Variants in CTNNA3 observed in about 807,000 individuals in gnomAD.
CTNNA3 encodes the protein catenin alpha-3.
In CTNNA3, 76 loss-of-function variants were observed where a neutral mutation model predicts 95.7. That is an observed-to-expected ratio of 0.79 (90% confidence interval 0.66 to 0.96). The LOEUF (loss-of-function observed/expected upper bound fraction) is 0.96. Ranked by LOEUF, CTNNA3 falls within the 40% of genes least tolerant of loss-of-function variation. The pLI, the probability that CTNNA3 is intolerant of heterozygous loss-of-function variation, is 0.00. For synonymous variants in CTNNA3, 431 were observed against 374.4 expected (o/e 1.15, Z -1.74); for missense variants, 1,191 against 1,089.8 (o/e 1.09, Z -1.31).
intron 7 of CTNNA3, among the ~76,000 whole-genome samples, chr10:67,154,239 T>G (rs996902234): frequency 2.0e-5 from 3 of 152,204 alleles, no homozygotes; most frequent in Non-Finnish European, 2.9e-5. Flanking sequence ...AAAATAAATA[T>G]ATGAATAACC....
intron 6 of CTNNA3, among the ~76,000 whole-genome samples, chr10:67,197,118 T>C (rs543712436): frequency 8.5e-5 from 13 of 152,120 alleles, no homozygotes; most frequent in African/African-American, 2.2e-4. Context: ...AGTAACATCA[T>C]GTGTGTCCCA....
At chr10:67,031,073 C>T (rs1473962796) in intron 7 of CTNNA3, among the ~76,000 whole-genome samples, 2 of 152,094 alleles carry the variant, frequency 1.3e-5, no homozygotes, top group Non-Finnish European at 1.5e-5. Context: ...CATTTTACCC[C>T]GTCATACTTG....
intron 10 of CTNNA3, among the ~76,000 whole-genome samples, chr10:66,568,144 G>C (rs185914775): frequency 6.3e-4 from 96 of 152,266 alleles, no homozygotes; most frequent in Middle Eastern, 3.4e-3. Context: ...AGAGCATAAA[G>C]AAGATATTAG....
intron 1 of CTNNA3, among the ~76,000 whole-genome samples, chr10:67,706,331 G>C (rs1472762792): frequency 1.3e-5 from 2 of 151,592 alleles, no homozygotes; most frequent in Admixed American, 1.3e-4. Context: ...GTGAAGAGGA[G>C]GTAAAAGGTT....
chr10:67,626,300 C>T (rs1246975900), intron 2 of CTNNA3, among the ~76,000 whole-genome samples: 1 of 151,914 alleles, frequency 6.6e-6, no homozygotes, highest in Non-Finnish European at 1.5e-5. Context: ...AGTTATGTTC[C>T]TGTTCATCAC....
chr10:66,376,020 T>C (rs1390952503), intron 12 of CTNNA3, among the ~76,000 whole-genome samples: 1 of 152,170 alleles, frequency 6.6e-6, no homozygotes, highest in South Asian at 2.1e-4. Context: ...TGTTCTGTTT[T>C]GGTCCATGAG....
chr10:67,490,071 G>C (rs1848593848), intron 5 of CTNNA3, among the ~76,000 whole-genome samples: 1 of 151,952 alleles, frequency 6.6e-6, no homozygotes, highest in Non-Finnish European at 1.5e-5. Context: ...AATTTTGAAG[G>C]CCCTAATTTG....
intron 10 of CTNNA3, among the ~76,000 whole-genome samples, chr10:66,523,517 T>G (rs918830696): frequency 2.0e-5 from 3 of 152,196 alleles, no homozygotes; most frequent in African/African-American, 7.2e-5. Flanking sequence ...CTCCTAGAAT[T>G]TTAGCCATAT....
chr10:67,005,687 T>TTTTTTTGTTTGTTTG (rs1554895956), intron 7 of CTNNA3, among the ~76,000 whole-genome samples: 1 of 102,258 alleles, frequency 9.8e-6, no homozygotes, highest in African/African-American at 3.1e-5. Flanking sequence ...TCCATCTTTT[T>TTTTTTTGTTTGTTTG]TTTTTTTTTT....
At chr10:66,446,225 AGC>A (rs1564971770) in intron 11 of CTNNA3, among the ~76,000 whole-genome samples, 33 of 152,180 alleles carry the variant, frequency 2.2e-4, no homozygotes, top group African/African-American at 7.2e-4. Flanking sequence ...ATGGATTCAC[AGC>A]GGATTTCTAC....
At chr10:67,686,034 C>T (rs1012565888) in intron 1 of CTNNA3, among the ~76,000 whole-genome samples, 1 of 152,176 alleles carries the variant, frequency 6.6e-6, no homozygotes, top group Non-Finnish European at 1.5e-5. Context: ...CAGTCTTATA[C>T]TCCTTGGGTT....
At chr10:67,359,829 G>A (rs781105199) in intron 5 of CTNNA3, among the ~76,000 whole-genome samples, 1 of 152,074 alleles carries the variant, frequency 6.6e-6, no homozygotes, top group African/African-American at 2.4e-5. Context: ...AAGTCAACAT[G>A]CAATCCCAAG....
chr10:66,148,081 C>T (rs2083991907), intron 13 of CTNNA3, among the ~76,000 whole-genome samples: 1 of 151,728 alleles, frequency 6.6e-6, no homozygotes, highest in Admixed American at 6.6e-5. Flanking sequence ...ATCCTTATTG[C>T]TCAAATATTT....
chr10:66,308,233 T>C (rs1014426036), intron 12 of CTNNA3, among the ~76,000 whole-genome samples: 14 of 152,232 alleles, frequency 9.2e-5, no homozygotes, highest in African/African-American at 3.1e-4. Flanking sequence ...GTGCCTTTCA[T>C]TCTTGGTATT....
chr10:66,926,856 T>G, intron 7 of CTNNA3: 1 of 1,395,968 alleles, frequency 7.2e-7, no homozygotes, highest in Non-Finnish European at 9.6e-7. Context: ...TATGCCTATT[T>G]TTGCTTGATT....
Position 66,927,615 on chromosome 10 carries a change from C to A in CTNNA3, c.1048-152091G>T, listed in dbSNP as rs760290602. The A allele has an allele frequency of 8.7e-6, 14 of 1,614,160 alleles. No individual in the cohort carries two copies. The highest frequency in any genetic ancestry group is 3.3e-5 in the South Asian group (3 of 91,082). ...TTCCAAGGTTGGTCAGCCTTCAGAACCTTTACTTGCAGTGGAATAAAATCA... is the reference window on the plus strand; with the variant it reads ...TTCCAAGGTTGGTCAGCCTTCAGAAACTTTACTTGCAGTGGAATAAAATCA... On this transcript the variant is annotated intron_variant, in intron 7 of 17. Transcript: ENST00000433211. The surrounding 1 kb of genome is among the most constrained non-coding windows in gnomAD (Gnocchi z 4.7).
intron 1 of CTNNA3, among the ~76,000 whole-genome samples, chr10:67,666,991 C>T (rs1339528592): frequency 6.6e-6 from 1 of 152,116 alleles, no homozygotes; most frequent in Non-Finnish European, 1.5e-5. Context: ...AACAATCTTA[C>T]ATAAAGATTC....
intron 9 of CTNNA3, among the ~76,000 whole-genome samples, chr10:66,738,778 G>A (rs1849231320): frequency 1.3e-5 from 2 of 152,240 alleles, no homozygotes; most frequent in Non-Finnish European, 2.9e-5. Context: ...ATCATCTCCT[G>A]TTTCCCTAAT....
intron 5 of CTNNA3, among the ~76,000 whole-genome samples, chr10:67,450,513 A>T (rs1846937922): frequency 6.6e-6 from 1 of 152,214 alleles, no homozygotes; most frequent in Non-Finnish European, 1.5e-5. Context: ...CATTATCCTT[A>T]GCAAACTAAT....
Sources: allele counts gnomAD v4.1 joint callset (sites outside exome capture counted in the v4.1 genomes callset), GRCh38; gene constraint gnomAD v4.1.1; non-coding constraint Gnocchi (gnomAD v3.1); transcripts MANE v1.5; gene names NCBI Gene and HGNC (gene_info 2026-07-23, HGNC 2026-07-21).